APBA2: variants seen among roughly 807,000 people sequenced by gnomAD.
The protein encoded by APBA2 is amyloid-beta A4 precursor protein-binding family A member 2.
A neutral mutation model predicts 75.0 loss-of-function variants in APBA2; 30 were observed. That is an observed-to-expected ratio of 0.40 (90% confidence interval 0.30 to 0.54). APBA2 has a LOEUF of 0.54. APBA2 is among the 20% of genes least tolerant of loss of function. The probability of loss-of-function intolerance (pLI) is 0.49; values close to 1 mark genes in which losing one functional copy is unlikely to be tolerated. For synonymous variants in APBA2, 444 were observed against 409.6 expected, an observed-to-expected ratio of 1.08 and a Z score of -1.01; for missense variants, 801 against 1,016.1, an observed-to-expected ratio of 0.79 and a Z score of 2.88.
chr15:28,904,232 C>T (rs1211881374), intron 1 of APBA2, among the ~76,000 whole-genome samples: 5 of 152,278 alleles, frequency 3.3e-5, no homozygotes, highest in South Asian at 2.1e-4. Context: ...CCCACGATTC[C>T]TCCCTGTTCC....
rs545417185 is a variant in APBA2 at position 28,918,280 on chromosome 15, C to A, written c.-204-3360C>A. On this transcript the variant is annotated intron_variant, in intron 1 of 14. Coordinates refer to ENST00000683413, the MANE Select transcript of APBA2 (RefSeq NM_001353788.2). This position sits in a 1 kb window ranked among gnomAD's most constrained non-coding sequence, Gnocchi z 4.2. Reference sequence around the variant, plus strand: ...GCCGGGTCTCAACCCAGGCCACTGCCCTCGGCAGCCAAGCCCCTTCTTTAT... The same window carrying A: ...GCCGGGTCTCAACCCAGGCCACTGCACTCGGCAGCCAAGCCCCTTCTTTAT... 8.5e-5 allele frequency among the ~76,000 whole-genome samples: 13 copies of A among 152,312 alleles called. No individual in the cohort carries two copies. Among genetic ancestry groups the A allele is most frequent in the African/African-American group, 3.1e-4 (13 of 41,574 alleles).
intron 13 of APBA2, among the ~76,000 whole-genome samples, chr15:29,113,351 C>CCGG (rs554198378): frequency 3.3e-5 from 5 of 150,206 alleles, no homozygotes; most frequent in Admixed American, 3.3e-4. Flanking sequence ...CGTCACTTGG[C>CCGG]GGGGGGGGGA....
chr15:28,984,755 T>TC (rs67074450), intron 2 of APBA2, among the ~76,000 whole-genome samples: 2,760 of 144,948 alleles, frequency 0.019, 58 homozygotes, highest in Non-Finnish European at 0.028. Context: ...TCTATCTCTC[T>TC]CCCCCCCCAC....
chr15:29,053,586 A>C (rs2041712514), intron 3 of APBA2, among the ~76,000 whole-genome samples: 1 of 151,926 alleles, frequency 6.6e-6, no homozygotes, highest in African/African-American at 2.4e-5. Flanking sequence ...TCCTGGGGAG[A>C]GGCGTGTGTC....
intron 2 of APBA2, among the ~76,000 whole-genome samples, chr15:28,950,894 G>A (rs2035830762): frequency 6.6e-6 from 1 of 152,168 alleles, no homozygotes; most frequent in African/African-American, 2.4e-5. Flanking sequence ...CCAGTGCTGT[G>A]TTATTTATTT....
chr15:29,052,454 C>CAAAAAAAGAAAAAA (rs1368122229), intron 3 of APBA2, among the ~76,000 whole-genome samples: 21 of 103,164 alleles, frequency 2.0e-4, no homozygotes, highest in African/African-American at 9.3e-4. Flanking sequence ...GACTCCATCT[C>CAAAAAAAGAAAAAA]AAAAAAAAAA....
chr15:29,114,565 G>A (rs1023540546), intron 14 of APBA2, among the ~76,000 whole-genome samples: 1 of 152,088 alleles, frequency 6.6e-6, no homozygotes, highest in Non-Finnish European at 1.5e-5. Context: ...TGGCCAGTGC[G>A]CAGCGGGTGT....
intron 2 of APBA2, among the ~76,000 whole-genome samples, chr15:28,966,714 G>A (rs1273521070): frequency 6.6e-6 from 1 of 152,132 alleles, no homozygotes; most frequent in Non-Finnish European, 1.5e-5. Flanking sequence ...TGCATTTTAT[G>A]ATTTTTTTCC....
At chr15:29,086,344 C>T (rs368356843) in intron 6 of APBA2, among the ~76,000 whole-genome samples, 5 of 152,310 alleles carry the variant, frequency 3.3e-5, no homozygotes, top group African/African-American at 7.2e-5. Context: ...CCCAGATTCC[C>T]GATCCACAGA....
At chr15:29,106,076 G>A (rs559168327) in intron 11 of APBA2, among the ~76,000 whole-genome samples, 120 of 152,352 alleles carry the variant, frequency 7.9e-4, no homozygotes, top group African/African-American at 2.8e-3. Context: ...TCTGCTGCTT[G>A]TTGAATGGGT....
At chr15:29,019,757 A>G (rs564196190) in intron 3 of APBA2, among the ~76,000 whole-genome samples, 1 of 152,320 alleles carries the variant, frequency 6.6e-6, no homozygotes, top group East Asian at 1.9e-4. Context: ...ACACTTTCCT[A>G]CTGATGAACA....
chr15:28,984,722 G>A (rs1014396023), intron 2 of APBA2, among the ~76,000 whole-genome samples: 1 of 150,378 alleles, frequency 6.6e-6, no homozygotes, highest in African/African-American at 2.5e-5. Context: ...CATCTCTGGG[G>A]GTTGGGAGAG....
chr15:29,019,259 TC>T (rs2039831622), intron 3 of APBA2, among the ~76,000 whole-genome samples: 3 of 152,240 alleles, frequency 2.0e-5, no homozygotes, highest in Admixed American at 1.3e-4. Flanking sequence ...ACACGGCCAT[TC>T]TTCGAAGGAG....
intron 3 of APBA2, among the ~76,000 whole-genome samples, chr15:29,025,432 AT>A (rs1365227671): frequency 5.3e-5 from 8 of 151,728 alleles, no homozygotes; most frequent in Non-Finnish European, 1.0e-4. Context: ...TGCCCAGCTA[AT>A]TTTTTTGTAA....
intron 10 of APBA2, among the ~76,000 whole-genome samples, chr15:29,103,387 G>A (rs1027308000): frequency 1.3e-5 from 2 of 152,238 alleles, no homozygotes; most frequent in Non-Finnish European, 2.9e-5. Context: ...CTGAGGTGGG[G>A]CCTGGGCTGG....
chr15:29,053,801 T>G lies in APBA2; in HGVS notation c.-40-44T>G, dbSNP rs2041726441. ...AAGTGGCCCCACACATGGCTGGGCT[T>G]TGTGGGGTTTTGACTCTGTCCTTCC... On this transcript the variant is annotated intron_variant, in intron 3 of 14. Coordinates refer to ENST00000683413, the MANE Select transcript of APBA2 (RefSeq NM_001353788.2). 1.3e-5 allele frequency: 16 copies of G among 1,267,228 alleles called. 1 individual carries two copies. In the Admixed American group the frequency reaches 3.2e-4, roughly 25 times the overall value. The allele number at this position is 1,267,228 out of a possible 1,614,324, so 78.5% of individuals were successfully genotyped here.
rs185280441 is a variant in APBA2, at chr15:29,027,134, C to T, written c.-40-26711C>T. ...TTAAAGTTTGAGGTAAGATCTTTGC[C>T]TCTCTCATGTTGGAGACTAGTTTGT... On this transcript the variant is annotated intron_variant, in intron 3 of 14. Coordinates refer to ENST00000683413, the MANE Select transcript of APBA2 (RefSeq NM_001353788.2). Among the ~76,000 whole-genome samples the T allele has an allele frequency of 1.9e-3, 293 of 152,210 alleles. 1 individual carries two copies. Among genetic ancestry groups the T allele is most frequent in the African/African-American group, 6.9e-3 (285 of 41,542 alleles).
At chr15:29,085,816 G>T (rs1210865211) in intron 6 of APBA2, among the ~76,000 whole-genome samples, 1 of 152,174 alleles carries the variant, frequency 6.6e-6, no homozygotes, top group African/African-American at 2.4e-5. Context: ...TCTCCATGGA[G>T]CCCTGTGAAA....
At chr15:28,912,847 T>G (rs1441639752) in intron 1 of APBA2, among the ~76,000 whole-genome samples, 1 of 152,250 alleles carries the variant, frequency 6.6e-6, no homozygotes, top group Non-Finnish European at 1.5e-5. Context: ...ATATTCACTT[T>G]GAAAGCACAC....
Sources: allele counts gnomAD v4.1 joint callset (sites outside exome capture counted in the v4.1 genomes callset), GRCh38; gene constraint gnomAD v4.1.1; non-coding constraint Gnocchi (gnomAD v3.1); transcripts MANE v1.5; gene names NCBI Gene and HGNC (gene_info 2026-07-23, HGNC 2026-07-21).